The following DPRX variants were observed in gnomAD, a reference collection of about 807,000 sequenced individuals.
DPRX encodes the protein divergent-paired related homeobox.
In DPRX, 11 loss-of-function variants were observed where a neutral mutation model predicts 8.4. That is an observed-to-expected ratio of 1.31 (90% CI 0.82 to 2.17). DPRX has a LOEUF of 2.17. DPRX is among the 30% of genes most tolerant of loss of function. The probability of loss-of-function intolerance (pLI) is 0.00; values close to 1 mark genes in which losing one functional copy is unlikely to be tolerated. For missense variants in DPRX, 211 were observed against 236.7 expected (o/e 0.89, Z 0.71); for synonymous variants, 72 against 87.0 (o/e 0.83, Z 0.96).
At chr19:53,632,268 G>T (rs747322613) in intron 1 of DPRX, 134 bp downstream of exon 1, 60 of 1,069,824 alleles carry the variant, frequency 5.6e-5, no homozygotes, top group Non-Finnish European at 8.0e-5. Context: ...ACTTCCCACA[G>T]AGGCTGTCAT....
chr19:53,617,016 A>C, the DPRX span: 1 of 1,165,016 alleles, frequency 8.6e-7, no homozygotes, highest in Admixed American at 1.7e-5. Context: ...ATCAGAGGCC[A>C]GTAGCTTTCT....
intron 1 of DPRX, 130 bp downstream of exon 1, chr19:53,632,264 C>A: frequency 8.1e-6 from 9 of 1,109,268 alleles, no homozygotes; most frequent in Middle Eastern, 4.2e-4. Context: ...AGGGACTTCC[C>A]ACAGAGGCTG....
Position 53,636,666 on chromosome 19 carries a change from C to T in DPRX, c.254C>T (p.Thr85Ile). The change falls in exon 3 of 3, where the codon ACT becomes ATT. Residue 85 changes from threonine to isoleucine, a missense_variant. Coordinates refer to ENST00000376650, the Ensembl canonical transcript of DPRX. ...AAGCATATTCATCAAAAACAAGAAA[C>T]TCCACAACCGCCAATACCAGAGGGT... 6.2e-7 allele frequency: 1 copy of T among 1,614,020 alleles called. No individual in the cohort carries two copies. The highest frequency in any genetic ancestry group is 8.5e-7 in the Non-Finnish European group (1 of 1,179,982).
chr19:53,601,617 G>C, the DPRX span, among the ~76,000 whole-genome samples: 1 of 151,860 alleles, frequency 6.6e-6, no homozygotes, highest in Non-Finnish European at 1.5e-5. Context: ...GAGTAGCTGG[G>C]ATTACCGGCA....
the DPRX span, among the ~76,000 whole-genome samples, chr19:53,616,617 G>A: frequency 6.6e-6 from 1 of 152,202 alleles, no homozygotes; most frequent in African/African-American, 2.4e-5. Flanking sequence ...AGCCAGGTTT[G>A]GTGGTGCATG....
the DPRX span, among the ~76,000 whole-genome samples, chr19:53,617,561 CA>C: frequency 4.8e-4 from 50 of 103,722 alleles, no homozygotes; most frequent in African/African-American, 1.1e-3. Flanking sequence ...TCCGTCTCAC[CA>C]AAAAAAAAAA....
At chr19:53,635,203 C>T (rs532994213) in intron 2 of DPRX, among the ~76,000 whole-genome samples, 11 of 152,080 alleles carry the variant, frequency 7.2e-5, no homozygotes, top group African/African-American at 2.2e-4. Context: ...GATGGGGTTT[C>T]GCTATATTGC....
chr19:53,623,328 A>G, the DPRX span, among the ~76,000 whole-genome samples: 3 of 146,896 alleles, frequency 2.0e-5, no homozygotes, highest in South Asian at 2.2e-4. Flanking sequence ...TAAATAAATA[A>G]ATAAATAAAT....
At chr19:53,603,707 G>A in the DPRX span, among the ~76,000 whole-genome samples, 4 of 151,098 alleles carry the variant, frequency 2.6e-5, no homozygotes, top group African/African-American at 7.3e-5. Context: ...GCAGTAATTT[G>A]TAAGTTTTCT....
the DPRX span, chr19:53,603,517 C>A: frequency 4.9e-6 from 2 of 409,742 alleles, no homozygotes. Flanking sequence ...TTCGGCTTCT[C>A]GTTCTTGCTG....
the DPRX span, among the ~76,000 whole-genome samples, chr19:53,614,172 A>G: frequency 6.6e-6 from 1 of 151,892 alleles, no homozygotes; most frequent in African/African-American, 2.4e-5. Context: ...GGATGGTCTC[A>G]ATTTCCTGAC....
chr19:53,633,932 G>C (rs1164951245), intron 1 of DPRX, among the ~76,000 whole-genome samples: 2 of 152,058 alleles, frequency 1.3e-5, no homozygotes, highest in Non-Finnish European at 2.9e-5. Context: ...GCGTGAGCAA[G>C]GGATCCCATA....
the DPRX span, among the ~76,000 whole-genome samples, chr19:53,609,466 C>CAAAAAAAAAAAAAA: frequency 1.8e-5 from 1 of 55,486 alleles, no homozygotes; most frequent in Non-Finnish European, 3.1e-5. Context: ...GACTCGGTCT[C>CAAAAAAAAAAAAAA]AAAAAAAAAA....
chr19:53,620,297 C>G, the DPRX span, among the ~76,000 whole-genome samples: 3 of 151,956 alleles, frequency 2.0e-5, no homozygotes, highest in African/African-American at 4.8e-5. Flanking sequence ...TCTCGATCTC[C>G]TGACCTCATG....
exon 2 of DPRX, chr19:53,634,569 T>G (rs1568585065): frequency 6.2e-7 from 1 of 1,613,802 alleles, no homozygotes; most frequent in Non-Finnish European, 8.5e-7. Context: ...ACGAACCATG[T>G]TCACTAAGAA....
chr19:53,635,387 A>G (rs2091108334), intron 2 of DPRX, among the ~76,000 whole-genome samples: 1 of 151,960 alleles, frequency 6.6e-6, no homozygotes, highest in Non-Finnish European at 1.5e-5. Context: ...TCTTGCCCAC[A>G]TTGGAGTGCA....
upstream of DPRX, chr19:53,631,966 A>G (rs983334714): frequency 1.8e-6 from 2 of 1,101,646 alleles, no homozygotes; most frequent in Non-Finnish European, 2.7e-6. Flanking sequence ...CCGAGGGATC[A>G]TATTGGAGGC....
At chr19:53,615,304 G>A in the DPRX span, among the ~76,000 whole-genome samples, 3 of 150,350 alleles carry the variant, frequency 2.0e-5, no homozygotes, top group East Asian at 2.0e-4. Flanking sequence ...TCTTTGAGAC[G>A]CAGTCTCACT....
At chr19:53,628,736 T>A (rs557969910), upstream of DPRX, among the ~76,000 whole-genome samples, 3 of 151,990 alleles carry the variant, frequency 2.0e-5, no homozygotes, top group Admixed American at 6.6e-5. Context: ...ATTACAGGCA[T>A]GTGCCACCGC....
Sources: allele counts gnomAD v4.1 joint callset (sites outside exome capture counted in the v4.1 genomes callset), GRCh38; gene constraint gnomAD v4.1.1; transcripts MANE v1.5; gene names NCBI Gene and HGNC (gene_info 2026-07-23, HGNC 2026-07-21).